Variants in COA8 observed in about 807,000 individuals in gnomAD.
COA8 encodes the protein UPF0671 protein C14orf153.
A neutral mutation model predicts 22.0 loss-of-function variants in COA8; 20 were observed. The observed-to-expected ratio is 0.91, with a 90% confidence interval of 0.64 to 1.32. The LOEUF (loss-of-function observed/expected upper bound fraction) is 1.32, where lower values mean the gene tolerates loss of function less well. Among genes scored for constraint, COA8 ranks in the 40% most tolerant of loss-of-function variants. COA8 has a pLI of 0.00. For missense variants in COA8, 266 were observed against 230.0 expected (o/e 1.16, Z -1.01); for synonymous variants, 105 against 79.9 (o/e 1.31, Z -1.68).
intron 3 of COA8, among the ~76,000 whole-genome samples, chr14:103,575,314 A>G (rs946424687): frequency 1.3e-5 from 2 of 152,250 alleles, no homozygotes; most frequent in African/African-American, 2.4e-5. Context: ...ATTCTTACTA[A>G]GGTCCCAGAA....
At chr14:103,574,412 C>A in intron 3 of COA8, 1 of 656,326 alleles carries the variant, frequency 1.5e-6, no homozygotes, top group Non-Finnish European at 2.8e-6. Context: ...GATGACCAAC[C>A]TCTGACCTTT....
At chr14:103,589,774 T>C (rs1330804852) in intron 4 of COA8, among the ~76,000 whole-genome samples, 2 of 145,112 alleles carry the variant, frequency 1.4e-5, no homozygotes, top group Admixed American at 6.9e-5. Context: ...ATTAGCCGGG[T>C]GTGGTGGCGG....
chr14:103,589,275 TCTC>T (rs1161043219), intron 4 of COA8, among the ~76,000 whole-genome samples: 2 of 152,200 alleles, frequency 1.3e-5, no homozygotes, highest in Non-Finnish European at 2.9e-5. Flanking sequence ...CCGGTTTTCT[TCTC>T]CTGGAAGCGC....
intron 4 of COA8, 120 bp downstream of exon 4, chr14:103,587,484 A>T: frequency 1.9e-6 from 1 of 520,254 alleles, no homozygotes. Context: ...GCAAGACTTT[A>T]TCAACTTTTT....
At position 103,587,308 on chromosome 14, in the gene COA8, G is replaced by C; in HGVS notation, c.420G>C (p.Ala140=). ...CAACATTGAATGCAGAAGAAATGGC[G>C]GACTTCTACAAGGAATTTTTAAGTA... The part of the protein sequence containing the change: ...QKATLNAEEM[A]DFYKEFLSKN... The change falls in exon 4 of 5, where the codon GCG becomes GCC. Residue 140 remains alanine, a synonymous_variant. Transcript: ENST00000409074. 6.2e-7 allele frequency: 1 copy of C among 1,613,270 alleles called. No individual in the cohort carries two copies. The highest frequency in any genetic ancestry group is 8.5e-7 in the Non-Finnish European group (1 of 1,179,580).
At chr14:103,575,284 A>G (rs2076222652) in intron 3 of COA8, among the ~76,000 whole-genome samples, 1 of 152,376 alleles carries the variant, frequency 6.6e-6, no homozygotes, top group Non-Finnish European at 1.5e-5. Flanking sequence ...CTCTCCTAAC[A>G]GATGGGAGAA....
Position 103,581,308 on chromosome 14 carries a change from G to T in COA8, c.386-5966G>T, listed in dbSNP as rs761787642. Among the ~76,000 whole-genome samples, 1 of 152,070 alleles carries T rather than the reference G, an allele frequency of 6.6e-6. No homozygotes were observed. The highest frequency in any genetic ancestry group is 1.5e-5 in the Non-Finnish European group (1 of 68,020). On this transcript the variant is annotated intron_variant, in intron 3 of 4. Transcript: ENST00000409074. The surrounding 1 kb of genome is among the most constrained non-coding windows in gnomAD (Gnocchi z 4.1). Reference sequence around the variant, plus strand: ...GCCAGCATCTCTAATCTTGTATTTTGCAACCATTACCAAGTAAATAAGGGT... The same window carrying T: ...GCCAGCATCTCTAATCTTGTATTTTTCAACCATTACCAAGTAAATAAGGGT...
At chr14:103,579,698 C>T (rs1381647488) in intron 3 of COA8, among the ~76,000 whole-genome samples, 3 of 151,436 alleles carry the variant, frequency 2.0e-5, no homozygotes, top group Non-Finnish European at 4.4e-5. Context: ...CACGGTGGCT[C>T]ACGCCTGTAA....
chr14:103,581,148 T>C lies in COA8; in HGVS notation c.386-6126T>C, dbSNP rs908124183. 6.6e-6 allele frequency among the ~76,000 whole-genome samples: 1 copy of C among 152,146 alleles called. No homozygotes were observed. The highest frequency in any genetic ancestry group is 1.5e-5 in the Non-Finnish European group (1 of 68,028). ...ATTTGAGCATCCTGAAATGTTGGTA[T>C]CTGTAGGAGTCCTGGAACCAACCTC... On this transcript the variant is annotated intron_variant, in intron 3 of 4. Coordinates refer to ENST00000409074, the MANE Select transcript of COA8 (RefSeq NM_001370595.2). The surrounding 1 kb of genome is among the most constrained non-coding windows in gnomAD (Gnocchi z 4.1).
intron 1 of COA8, among the ~76,000 whole-genome samples, chr14:103,570,355 TC>T (rs1035852810): frequency 3.3e-5 from 5 of 151,880 alleles, no homozygotes; most frequent in African/African-American, 7.3e-5. Flanking sequence ...AATAGCAGGG[TC>T]CCCCCACTAT....
intron 3 of COA8, among the ~76,000 whole-genome samples, chr14:103,577,468 A>G (rs2142292154): frequency 6.6e-6 from 1 of 152,290 alleles, no homozygotes; most frequent in South Asian, 2.1e-4. Context: ...TGGCGGAGTT[A>G]CATCAAAGGT....
chr14:103,588,708 G>A (rs1022330594), intron 4 of COA8, among the ~76,000 whole-genome samples: 2 of 151,930 alleles, frequency 1.3e-5, no homozygotes, highest in Non-Finnish European at 2.9e-5. Flanking sequence ...GCTTGGTGTG[G>A]TAGTGTGCAC....
In COA8 at chr14:103,590,236, G is replaced by A. The variant is rs1223082187; in HGVS notation, c.532G>A (p.Glu178Lys). ...CTTCTTCATGGGAAAAGTGGCCCTG[G>A]AAAGGATTTGGAACAAGCTTAAACA... ...ITFFMGKVAL[E>K]RIWNKLKQKQ... Residue 178 changes from glutamate to lysine, a missense_variant, in exon 5 of 5, where the codon GAA becomes AAA. Transcript: ENST00000409074. 4 of 1,614,128 alleles carry A rather than the reference G, an allele frequency of 2.5e-6. No homozygotes were observed.
At chr14:103,583,966 C>A (rs1257077385) in intron 3 of COA8, among the ~76,000 whole-genome samples, 1 of 152,236 alleles carries the variant, frequency 6.6e-6, no homozygotes. Flanking sequence ...AGCAGAGATG[C>A]ACATGGCAAG....
intron 3 of COA8, chr14:103,574,432 A>G: frequency 1.6e-6 from 1 of 622,230 alleles, no homozygotes; most frequent in South Asian, 1.5e-5. Context: ...TGACTTTCGT[A>G]CTGAGGTCTC....
Position 103,590,457 on chromosome 14 carries a change from T to G in COA8, c.*171T>G. On this transcript the variant is annotated 3_prime_UTR_variant, in exon 5 of 5. Transcript: ENST00000409074. ...AGGTCCTGGGGCACTGTGGGCCGCC[T>G]GCCTGCTGATGTGGGCTCTAGGCCA... 1.7e-6 allele frequency: 1 copy of G among 588,052 alleles called. No homozygotes were observed. The allele number at this position is 588,052 out of a possible 1,614,324, so 36.4% of individuals were successfully genotyped here. A position where few individuals can be genotyped will look rare whatever the true frequency, so the allele number is the denominator to read the frequency against.
At chr14:103,583,842 A>G (rs1041568001) in intron 3 of COA8, among the ~76,000 whole-genome samples, 1 of 152,196 alleles carries the variant, frequency 6.6e-6, no homozygotes, top group African/African-American at 2.4e-5. Flanking sequence ...AAATCAGACT[A>G]TGACCCCCTC....
At chr14:103,584,457 C>A (rs894713046) in intron 3 of COA8, among the ~76,000 whole-genome samples, 3 of 152,184 alleles carry the variant, frequency 2.0e-5, no homozygotes, top group Non-Finnish European at 4.4e-5. Context: ...CAGCTGCTAT[C>A]ACCCTTCATC....
At chr14:103,587,398 A>G (rs2076316202) in intron 4 of COA8, 34 bp downstream of exon 4, 2 of 1,453,608 alleles carry the variant, frequency 1.4e-6, no homozygotes, top group South Asian at 2.4e-5. Flanking sequence ...AAATTTGAAT[A>G]GCACATCCAG....
Sources: gnomAD v4.1 joint callset for allele counts (sites outside exome capture counted in the v4.1 genomes callset) on GRCh38, gnomAD v4.1.1 for gene constraint, Gnocchi (gnomAD v3.1) non-coding constraint, MANE v1.5 for transcripts, NCBI Gene and HGNC (gene_info 2026-07-23, HGNC 2026-07-21) for gene names.